Variants in TXNL1 observed in about 807,000 individuals in gnomAD.
TXNL1 encodes the protein thioredoxin-like protein 1.
Under a neutral mutation model 35.5 loss-of-function variants are expected in TXNL1, and 14 were observed. That is an observed-to-expected ratio of 0.39 (90% confidence interval 0.26 to 0.62). TXNL1 has a LOEUF of 0.62. Among genes scored for constraint, TXNL1 ranks in the 20% least tolerant of loss-of-function variants. TXNL1 has a pLI of 0.47. For missense variants in TXNL1, 263 were observed against 349.7 expected (o/e 0.75, Z 1.98); for synonymous variants, 110 against 115.5 (o/e 0.95, Z 0.31).
At chr18:56,611,358 C>G (rs1005565916) in intron 6 of TXNL1, among the ~76,000 whole-genome samples, 1 of 151,664 alleles carries the variant, frequency 6.6e-6, no homozygotes, top group Non-Finnish European at 1.5e-5. Flanking sequence ...AAAAATTAAC[C>G]AGGTGTGGTG....
chr18:56,608,281 C>G (rs760763181), intron 7 of TXNL1: 1 of 152,080 alleles, frequency 6.6e-6, no homozygotes, highest in Non-Finnish European at 1.5e-5. Context: ...CTTTTTTTAA[C>G]TACATTGAAG....
chr18:56,623,884 G>A (rs1242820558), intron 3 of TXNL1, among the ~76,000 whole-genome samples: 1 of 151,102 alleles, frequency 6.6e-6, no homozygotes, highest in African/African-American at 2.4e-5. Context: ...GACAGTAAAA[G>A]GAGTTAATGG....
At chr18:56,616,393 A>G in intron 4 of TXNL1, 79 bp from the exon 5 acceptor site, 6 of 1,318,048 alleles carry the variant, frequency 4.6e-6, no homozygotes, top group Non-Finnish European at 6.3e-6. Context: ...GAATGAAAAT[A>G]ACAGGCAAGA....
chr18:56,623,493 C>A (rs1452092417), intron 3 of TXNL1, among the ~76,000 whole-genome samples: 1 of 151,182 alleles, frequency 6.6e-6, no homozygotes, highest in Admixed American at 6.6e-5. Context: ...ATTCTTTGAT[C>A]TGCCAGTGCA....
In TXNL1 at chr18:56,631,929, A is replaced by C. The variant is rs74849666; in HGVS notation, c.99-5472T>G. Among the ~76,000 whole-genome samples, 1,043 of 152,030 alleles carry C rather than the reference A, an allele frequency of 6.9e-3. 5 individuals are homozygous for C. The highest frequency in any genetic ancestry group is 0.048 in the Middle Eastern group (14 of 294). On this transcript the variant is annotated intron_variant, in intron 1 of 7. Transcript: ENST00000217515. ...CAGCGAAACTCTGTCTCAAAAAAAAAAAAAAAAAGGAACCCACAAAACTAA... is the reference window on the plus strand; with the variant it reads ...CAGCGAAACTCTGTCTCAAAAAAAACAAAAAAAAGGAACCCACAAAACTAA...
chr18:56,626,171 TTAA>T (rs1233866854), intron 2 of TXNL1, 187 bp downstream of exon 2: 8 of 1,308,914 alleles, frequency 6.1e-6, no homozygotes, highest in Non-Finnish European at 6.8e-6. Context: ...CCTGAAGCAA[TTAA>T]TAATGTGCTA....
rs562466315 is a variant in TXNL1 at position 56,598,401 on chromosome 18, G to C, written c.*4626C>G. The C allele has an allele frequency of 2.6e-5, 4 of 152,156 alleles. No homozygotes were observed. The highest frequency in any genetic ancestry group is 5.9e-5 in the Non-Finnish European group (4 of 68,016). The allele number at this position is 152,156 out of a possible 1,614,324, so 9.4% of individuals were successfully genotyped here. A position where few individuals can be genotyped will look rare whatever the true frequency, so the allele number is the denominator to read the frequency against. ...GTGCACAATTGTTATGATTATTCCCGGTATCAGTTTTCCTTGGACTGAGCC... is the reference window on the plus strand; with the variant it reads ...GTGCACAATTGTTATGATTATTCCCCGTATCAGTTTTCCTTGGACTGAGCC... On this transcript the variant is annotated 3_prime_UTR_variant, in exon 8 of 8. Coordinates refer to ENST00000217515, the MANE Select transcript of TXNL1 (RefSeq NM_004786.3).
At chr18:56,607,572 A>G (rs2023920842) in intron 7 of TXNL1, among the ~76,000 whole-genome samples, 2 of 152,144 alleles carry the variant, frequency 1.3e-5, no homozygotes, top group African/African-American at 4.8e-5. Flanking sequence ...GATTAAACCC[A>G]TTGTAAAGAC....
At chr18:56,631,407 A>C (rs1377250306) in intron 1 of TXNL1, among the ~76,000 whole-genome samples, 1 of 152,176 alleles carries the variant, frequency 6.6e-6, no homozygotes, top group Non-Finnish European at 1.5e-5. Flanking sequence ...CCTTTGCACA[A>C]TCTACGATTT....
chr18:56,605,889 A>T lies in TXNL1; in HGVS notation c.841-2833T>A, dbSNP rs112626039. Among the ~76,000 whole-genome samples, 3 of 152,378 alleles carry T rather than the reference A, an allele frequency of 2.0e-5. No homozygotes were observed. The East Asian group carries it at 5.8e-4, about 29-fold the overall frequency. ...TGTCAGATATCTTAGTGACATAAGA[A>T]GTCAGTGACATACTAAAAACGGAAA... is the stretch of plus-strand genomic sequence containing the variant. On this transcript the variant is annotated intron_variant, in intron 7 of 7. Transcript: ENST00000217515.
In TXNL1 at chr18:56,602,846, T is replaced by A; in HGVS notation, c.*181A>T. 1.4e-6 allele frequency: 1 copy of A among 697,734 alleles called. No individual in the cohort carries two copies. The highest frequency in any genetic ancestry group is 2.4e-6 in the Non-Finnish European group (1 of 415,366). 43.2% of individuals were successfully genotyped at this position (697,734 alleles called of 1,614,324 possible). A position where few individuals can be genotyped will look rare whatever the true frequency, so the allele number is the denominator to read the frequency against. On this transcript the variant is annotated 3_prime_UTR_variant, in exon 8 of 8. Coordinates refer to ENST00000217515, the MANE Select transcript of TXNL1 (RefSeq NM_004786.3). ...ATTAAGCTTGGCAAAAGTGGTGACT[T>A]TTATTTACAATTGCATGTGTCAAGA... is the stretch of plus-strand genomic sequence containing the variant.
intron 1 of TXNL1, among the ~76,000 whole-genome samples, chr18:56,633,444 C>A (rs1455561677): frequency 3.1e-5 from 1 of 31,818 alleles, no homozygotes; most frequent in South Asian, 2.3e-3. Flanking sequence ...GAGACTCTGT[C>A]TCAAAAAAAA....
At position 56,618,441 on chromosome 18, in the gene TXNL1, C is replaced by T. The variant is rs575450959; in HGVS notation, c.370-315G>A. On this transcript the variant is annotated intron_variant, in intron 3 of 7. Transcript: ENST00000217515. The stretch of plus-strand genomic sequence containing the variant: ...ATGCAAATTAAAATATCCGTAAGAT[C>T]CAAAGAAAGCCTATTTCCCTCTTCT... 6.6e-5 allele frequency among the ~76,000 whole-genome samples: 10 copies of T among 152,230 alleles called. No homozygotes were observed. The South Asian group carries it at 2.1e-3, about 32-fold the overall frequency.
At chr18:56,610,556 T>G (rs2023973836) in intron 7 of TXNL1, 1 of 152,688 alleles carries the variant, frequency 6.5e-6, no homozygotes, top group Non-Finnish European at 1.5e-5. Context: ...CATGTCAGTA[T>G]ATTAAAACTC....
At chr18:56,611,502 CAAAA>C (rs201498465) in intron 6 of TXNL1, among the ~76,000 whole-genome samples, 2 of 98,546 alleles carry the variant, frequency 2.0e-5, no homozygotes. Flanking sequence ...AACTCTGGCT[CAAAA>C]AAAAAAAAAA....
intron 2 of TXNL1, chr18:56,626,066 G>T: frequency 1.8e-6 from 1 of 541,058 alleles, no homozygotes; most frequent in Non-Finnish European, 2.5e-6. Flanking sequence ...ATAATTCTAG[G>T]TTTGCAAAAC....
chr18:56,605,330 T>C lies in TXNL1; in HGVS notation c.841-2274A>G, dbSNP rs992190795. On this transcript the variant is annotated intron_variant, in intron 7 of 7. Transcript: ENST00000217515. ...AGTGAGACAAGGTCAATCTTTATAT[T>C]ACTTCATTTTAAAATATCTTCTGTT... The C allele has an allele frequency of 2.0e-5, 3 of 152,170 alleles. No individual in the cohort carries two copies. The East Asian group carries it at 5.8e-4, about 29-fold the overall frequency. The allele number at this position is 152,170 out of a possible 1,614,324, so 9.4% of individuals were successfully genotyped here.
intron 3 of TXNL1, among the ~76,000 whole-genome samples, chr18:56,619,406 C>T (rs1454865130): frequency 1.3e-5 from 2 of 150,980 alleles, no homozygotes; most frequent in South Asian, 2.1e-4. Context: ...GGCATGGTGG[C>T]GGGCACCTAT....
At chr18:56,616,427 C>T (rs1235304259) in intron 4 of TXNL1, 113 bp from the exon 5 acceptor site, 159 of 876,434 alleles carry the variant, frequency 1.8e-4, no homozygotes, top group South Asian at 3.3e-4. Flanking sequence ...CCTAATTCAT[C>T]GAACAAAACC....
Sources: gnomAD v4.1 joint callset for allele counts (sites outside exome capture counted in the v4.1 genomes callset) on GRCh38, gnomAD v4.1.1 for gene constraint, MANE v1.5 for transcripts, NCBI Gene and HGNC (gene_info 2026-07-23, HGNC 2026-07-21) for gene names.